The following BTBD9 variants were observed in gnomAD, a reference collection of about 807,000 sequenced individuals.
The protein encoded by BTBD9 is BTB/POZ domain-containing protein 9.
Under a neutral mutation model 64.3 loss-of-function variants are expected in BTBD9, and 49 were observed. That is an observed-to-expected ratio of 0.76 (90% confidence interval 0.61 to 0.97). The LOEUF (loss-of-function observed/expected upper bound fraction) is 0.97, where lower values mean the gene tolerates loss of function less well. Ranked by LOEUF, BTBD9 falls within the 50% of genes least tolerant of loss-of-function variation. The probability of loss-of-function intolerance (pLI) is 0.00; values close to 1 mark genes in which losing one functional copy is unlikely to be tolerated. For synonymous variants in BTBD9, 260 were observed against 274.7 expected (o/e 0.95, Z 0.53); for missense variants, 598 against 762.1 (o/e 0.78, Z 2.53).
chr6:38,614,992 AAAAAACGTTTAACTGG>A (rs1441909669), intron 1 of BTBD9, among the ~76,000 whole-genome samples: 2 of 152,244 alleles, frequency 1.3e-5, no homozygotes, highest in African/African-American at 2.4e-5. Flanking sequence ...GAAGCACAGA[AAAAAACGTTTAACTGG>A]GCCTTCAAGG....
chr6:38,233,160 T>C (rs990560002), intron 9 of BTBD9, among the ~76,000 whole-genome samples: 1 of 152,224 alleles, frequency 6.6e-6, no homozygotes, highest in Non-Finnish European at 1.5e-5. Flanking sequence ...TAATTCACTA[T>C]AAGATGGACA....
At chr6:38,273,818 C>T (rs965124998) in intron 8 of BTBD9, among the ~76,000 whole-genome samples, 4 of 152,162 alleles carry the variant, frequency 2.6e-5, no homozygotes, top group Admixed American at 6.5e-5. Flanking sequence ...TTGTAAAGAA[C>T]AGAATAAAGG....
intron 6 of BTBD9, among the ~76,000 whole-genome samples, chr6:38,383,000 C>T (rs1766003986): frequency 6.6e-6 from 1 of 152,060 alleles, no homozygotes; most frequent in Non-Finnish European, 1.5e-5. Context: ...ACAAATTCCT[C>T]CAGGGAAAGA....
chr6:38,257,879 C>G (rs1228157620), intron 8 of BTBD9, among the ~76,000 whole-genome samples: 1 of 151,828 alleles, frequency 6.6e-6, no homozygotes, highest in East Asian at 1.9e-4. Flanking sequence ...TATTTTTGAT[C>G]TGAGTGGTAG....
chr6:38,603,179 A>G (rs962706843), intron 1 of BTBD9, among the ~76,000 whole-genome samples: 2 of 152,206 alleles, frequency 1.3e-5, no homozygotes, highest in Admixed American at 1.3e-4. Context: ...AATGGACAGG[A>G]ATATCTCAAC....
chr6:38,361,890 C>T (rs1315862820), intron 6 of BTBD9, among the ~76,000 whole-genome samples: 1 of 151,012 alleles, frequency 6.6e-6, no homozygotes, highest in Non-Finnish European at 1.5e-5. Context: ...ACAAAAACAA[C>T]TCCACAAGTA....
Position 38,419,379 on chromosome 6 carries a change from T to C in BTBD9, c.1155-74286A>G, listed in dbSNP as rs150100589. ...TACTTTAAACAAGTGAGTTGTATGG[T>C]ATATAAACGATATCTCAATAAAGCT... On this transcript the variant is annotated intron_variant, in intron 6 of 10. Transcript: ENST00000481247. Among the ~76,000 whole-genome samples the C allele has an allele frequency of 3.8e-3, 585 of 152,336 alleles. 4 individuals carry two copies. The highest frequency in any genetic ancestry group is 0.013 in the African/African-American group (547 of 41,580).
intron 6 of BTBD9, among the ~76,000 whole-genome samples, chr6:38,505,888 C>T (rs972360190): frequency 7.2e-6 from 1 of 139,612 alleles, no homozygotes; most frequent in Non-Finnish European, 1.5e-5. Context: ...TCACTGGAAC[C>T]CGGGAGGCAG....
chr6:38,303,608 T>C (rs1762492473), intron 7 of BTBD9, among the ~76,000 whole-genome samples: 1 of 151,834 alleles, frequency 6.6e-6, no homozygotes, highest in Non-Finnish European at 1.5e-5. Flanking sequence ...CGCTATGCCT[T>C]ACTGCTTCAC....
chr6:38,479,879 C>A (rs1234798457), intron 6 of BTBD9, among the ~76,000 whole-genome samples: 2 of 152,086 alleles, frequency 1.3e-5, no homozygotes, highest in African/African-American at 4.8e-5. Flanking sequence ...CAGGTGTGCA[C>A]CACCATGCCC....
chr6:38,242,870 C>T (rs992122195), intron 9 of BTBD9, among the ~76,000 whole-genome samples: 27 of 152,248 alleles, frequency 1.8e-4, no homozygotes, highest in African/African-American at 6.3e-4. Context: ...AGTAACCTTT[C>T]TCCTGGACTA....
rs1012381101 is a variant in BTBD9, at chr6:38,173,725, C to G, written c.*1260G>C. The G allele has an allele frequency of 6.6e-6, 1 of 152,222 alleles. No individual in the cohort carries two copies. 9.4% of individuals were successfully genotyped at this position (152,222 alleles called of 1,614,324 possible). A position where few individuals can be genotyped will look rare whatever the true frequency, so the allele number is the denominator to read the frequency against. On this transcript the variant is annotated 3_prime_UTR_variant, in exon 11 of 11. Coordinates refer to ENST00000481247, the MANE Select transcript of BTBD9 (RefSeq NM_001099272.2). The stretch of plus-strand genomic sequence containing the variant: ...GACCCAAGGACTGCAGTGCTGCTCA[C>G]GTGCCATGCCGTCCTGGGGAGACTC...
At chr6:38,293,018 GTCT>G (rs758888618) in intron 7 of BTBD9, among the ~76,000 whole-genome samples, 2 of 152,112 alleles carry the variant, frequency 1.3e-5, no homozygotes, top group African/African-American at 2.4e-5. Context: ...GGTATGTTGT[GTCT>G]TTGTTCTCAT....
rs767529833 is a variant in BTBD9, at chr6:38,545,477, A to G, written c.1154+32123T>C. On this transcript the variant is annotated intron_variant, in intron 6 of 10. Coordinates refer to ENST00000481247, the MANE Select transcript of BTBD9 (RefSeq NM_001099272.2). ...TATACTAAGAAACACTGAATTGCAC[A>G]CTTTAAAAGAATGAATTTTAGGCTG... Among the ~76,000 whole-genome samples, 3 of 152,114 alleles carry G rather than the reference A, an allele frequency of 2.0e-5. No individual in the cohort carries two copies. In the South Asian group the frequency reaches 6.2e-4, roughly 32 times the overall value.
At chr6:38,616,812 C>T (rs895338444) in intron 1 of BTBD9, among the ~76,000 whole-genome samples, 9 of 152,140 alleles carry the variant, frequency 5.9e-5, no homozygotes, top group African/African-American at 1.9e-4. Flanking sequence ...TGTCCTTTTG[C>T]TCTTCACAAT....
intron 4 of BTBD9, among the ~76,000 whole-genome samples, chr6:38,583,718 A>C (rs1776393348): frequency 6.6e-6 from 1 of 152,220 alleles, no homozygotes; most frequent in African/African-American, 2.4e-5. Context: ...CTTCTTTTGA[A>C]GTTTATTTCA....
chr6:38,515,837 C>T lies in BTBD9; in HGVS notation c.1154+61763G>A, dbSNP rs193077545. Among the ~76,000 whole-genome samples, 193 of 152,280 alleles carry T rather than the reference C, an allele frequency of 1.3e-3. 2 individuals carry two copies. Among genetic ancestry groups the T allele is most frequent in the African/African-American group, 4.3e-3 (177 of 41,560 alleles). On this transcript the variant is annotated intron_variant, in intron 6 of 10. Coordinates refer to ENST00000481247, the MANE Select transcript of BTBD9 (RefSeq NM_001099272.2). ...GAATAAATCATAAAGTACTACTTGA[C>T]GCACCAAAAATTAAAAATGGAGACA...
At chr6:38,374,692 C>T (rs114489767) in intron 6 of BTBD9, among the ~76,000 whole-genome samples, 2 of 152,128 alleles carry the variant, frequency 1.3e-5, no homozygotes, top group Admixed American at 6.5e-5. Flanking sequence ...CTTGCACACA[C>T]ACAACAGACA....
At chr6:38,460,805 T>C (rs1399672062) in intron 6 of BTBD9, among the ~76,000 whole-genome samples, 1 of 152,126 alleles carries the variant, frequency 6.6e-6, no homozygotes, top group East Asian at 1.9e-4. Flanking sequence ...TGTATTTTAG[T>C]AGAGACGGGG....
Sources: allele counts gnomAD v4.1 joint callset (sites outside exome capture counted in the v4.1 genomes callset), GRCh38; gene constraint gnomAD v4.1.1; transcripts MANE v1.5; gene names NCBI Gene and HGNC (gene_info 2026-07-23, HGNC 2026-07-21).